Variants in NLGN4X observed in about 807,000 individuals in gnomAD.
NLGN4X encodes neuroligin 4 X-linked, also known as neuroligin-4, X-linked.
Under a neutral mutation model 40.3 loss-of-function variants are expected in NLGN4X, and 3 were observed. The ratio of observed to expected loss-of-function variants is 0.07; its 90% CI spans 0.03 to 0.19. The LOEUF (loss-of-function observed/expected upper bound fraction) is 0.19. NLGN4X is among the 10% of genes least tolerant of loss of function. NLGN4X has a pLI of 1.00. For synonymous variants in NLGN4X, 270 were observed against 306.8 expected, an observed-to-expected ratio of 0.88 and a Z score of 1.25; for missense variants, 382 against 708.3, an observed-to-expected ratio of 0.54 and a Z score of 5.23.
intron 2 of NLGN4X, among the ~76,000 whole-genome samples, chrX:6,126,816 C>T (rs1159617192): frequency 8.9e-6 from 1 of 111,789 alleles, no homozygotes; most frequent in Non-Finnish European, 1.9e-5. Context: ...AGAATAAATT[C>T]TACAAAAAGC....
chrX:6,144,441 G>C (rs769764547), intron 2 of NLGN4X, among the ~76,000 whole-genome samples: 45 of 111,663 alleles, frequency 4.0e-4, no homozygotes, highest in Non-Finnish European at 7.2e-4. Flanking sequence ...CACAAACTTA[G>C]TAAGCTTAGA....
At chrX:6,182,632 T>C (rs1318637069) in intron 1 of NLGN4X, among the ~76,000 whole-genome samples, 5 of 111,689 alleles carry the variant, frequency 4.5e-5, no homozygotes, top group Non-Finnish European at 9.4e-5. Flanking sequence ...GATAAAGAGA[T>C]GATCCTGGGT....
chrX:6,076,978 A>G (rs1000589263), intron 2 of NLGN4X, among the ~76,000 whole-genome samples: 1 of 112,106 alleles, frequency 8.9e-6, no homozygotes, highest in Admixed American at 9.5e-5. Flanking sequence ...ATAAATGAAC[A>G]AAGTCCTCCA....
At chrX:5,941,180 G>GGT (rs3220455) in intron 3 of NLGN4X, among the ~76,000 whole-genome samples, 1,979 of 58,562 alleles carry the variant, frequency 0.034, 71 homozygotes, top group East Asian at 0.046. Context: ...TATGCTAGGG[G>GGT]GTGTGTGTGT....
chrX:5,975,538 G>A (rs1444889551), intron 3 of NLGN4X, among the ~76,000 whole-genome samples: 3 of 106,820 alleles, frequency 2.8e-5, no homozygotes, highest in African/African-American at 1.0e-4. Flanking sequence ...GCTTGAACCC[G>A]GGAGATGGAG....
intron 1 of NLGN4X, among the ~76,000 whole-genome samples, chrX:6,153,473 G>A (rs1308117678): frequency 8.9e-6 from 1 of 112,172 alleles, no homozygotes; most frequent in Non-Finnish European, 1.9e-5. Context: ...ATAATTAAGA[G>A]ACAGACAAGA....
At chrX:5,990,839 T>C (rs141666640) in intron 3 of NLGN4X, among the ~76,000 whole-genome samples, 1,597 of 111,222 alleles carry the variant, frequency 0.014, 28 homozygotes, top group African/African-American at 0.05. Flanking sequence ...GCATGAGAAA[T>C]AGGCACACCT....
At chrX:6,212,326 A>T (rs79847882) in intron 1 of NLGN4X, among the ~76,000 whole-genome samples, 10 of 107,348 alleles carry the variant, frequency 9.3e-5, no homozygotes, top group Admixed American at 3.0e-4. Flanking sequence ...TACATGAATT[A>T]AAAAAAAAAG....
At chrX:6,103,473 A>G (rs1344841816) in intron 2 of NLGN4X, among the ~76,000 whole-genome samples, 1 of 112,324 alleles carries the variant, frequency 8.9e-6, no homozygotes, top group African/African-American at 3.2e-5. Context: ...AAGGGATGAG[A>G]TGGAAATCAC....
At chrX:6,002,157 T>C (rs2035987846) in intron 3 of NLGN4X, among the ~76,000 whole-genome samples, 1 of 111,673 alleles carries the variant, frequency 9.0e-6, no homozygotes, top group South Asian at 3.8e-4. Flanking sequence ...TGCATGTTGT[T>C]TGTGCATGAG....
chrX:5,980,337 C>T (rs1252889304), intron 3 of NLGN4X, among the ~76,000 whole-genome samples: 3 of 109,872 alleles, frequency 2.7e-5, no homozygotes, highest in Admixed American at 9.8e-5. Context: ...TTTACATTCC[C>T]TTAGCAATGT....
chrX:5,919,630 G>A (rs1019041062), intron 3 of NLGN4X, among the ~76,000 whole-genome samples: 4 of 111,235 alleles, frequency 3.6e-5, no homozygotes, highest in East Asian at 2.8e-4. Context: ...TCAGTTCAGC[G>A]GTGGCATTAG....
At chrX:5,930,827 A>G (rs1348685752) in intron 3 of NLGN4X, among the ~76,000 whole-genome samples, 1 of 112,136 alleles carries the variant, frequency 8.9e-6, no homozygotes, top group Non-Finnish European at 1.9e-5. Flanking sequence ...ATGATAGCAT[A>G]AAAAGAATTG....
chrX:6,055,926 A>AT (rs1440933818), intron 2 of NLGN4X, among the ~76,000 whole-genome samples: 1 of 111,878 alleles, frequency 8.9e-6, no homozygotes, highest in Non-Finnish European at 1.9e-5. Flanking sequence ...GATGTTGGCA[A>AT]TTTCTTACCT....
intron 3 of NLGN4X, among the ~76,000 whole-genome samples, chrX:5,991,933 A>G (rs1264107215): frequency 8.9e-6 from 1 of 112,251 alleles, no homozygotes; most frequent in Non-Finnish European, 1.9e-5. Context: ...GGATTATTTG[A>G]CAACAGATGG....
chrX:6,053,985 G>A (rs1315768328), intron 2 of NLGN4X, among the ~76,000 whole-genome samples: 1 of 111,963 alleles, frequency 8.9e-6, no homozygotes, highest in East Asian at 2.8e-4. Context: ...AGTTTCCAAA[G>A]AGAGAAATGA....
At chrX:6,077,301 T>TG (rs1469861720) in intron 2 of NLGN4X, among the ~76,000 whole-genome samples, 1 of 100,490 alleles carries the variant, frequency 1.0e-5, no homozygotes, top group South Asian at 4.8e-4. Context: ...TGTGTCTGTG[T>TG]GTGTGTGTGG....
chrX:5,994,871 T>C lies in NLGN4X; in HGVS notation c.625+34409A>G, dbSNP rs765790177. On this transcript the variant is annotated intron_variant, in intron 3 of 5. Coordinates refer to ENST00000381095, the MANE Select transcript of NLGN4X (RefSeq NM_181332.3). ...CCTGCACATACTCATACAACTCATA[T>C]AACTTGACTACCTTAATCCTAAATA... Among the ~76,000 whole-genome samples, 3 of 112,400 alleles carry C rather than the reference T, an allele frequency of 2.7e-5. No homozygotes were observed. The South Asian group carries it at 1.1e-3, about 42-fold the overall frequency.
chrX:6,047,846 C>A (rs1179086136), intron 2 of NLGN4X, among the ~76,000 whole-genome samples: 2 of 111,734 alleles, frequency 1.8e-5, no homozygotes, highest in Non-Finnish European at 3.8e-5. Flanking sequence ...CCCACATGGG[C>A]CCTCCATACT....
Sources: allele counts gnomAD v4.1 joint callset (sites outside exome capture counted in the v4.1 genomes callset), GRCh38; gene constraint gnomAD v4.1.1; transcripts MANE v1.5; gene names NCBI Gene and HGNC (gene_info 2026-07-23, HGNC 2026-07-21).